The following CHRNA7 variants were observed in gnomAD, a reference collection of about 807,000 sequenced individuals.
The protein encoded by CHRNA7 is cholinergic receptor nicotinic alpha 7 subunit.
Under a neutral mutation model 48.0 loss-of-function variants are expected in CHRNA7, and 17 were observed. The observed-to-expected ratio is 0.35, with a 90% CI of 0.24 to 0.53. The LOEUF (loss-of-function observed/expected upper bound fraction) is 0.53. Among genes scored for constraint, CHRNA7 ranks in the 20% least tolerant of loss-of-function variants. The pLI is 0.92. For synonymous variants in CHRNA7, 75 were observed against 242.3 expected (o/e 0.31, Z 6.41); for missense variants, 155 against 577.7 (o/e 0.27, Z 7.50).
chr15:32,088,419 T>C (rs976758617), intron 2 of CHRNA7, among the ~76,000 whole-genome samples: 2 of 152,334 alleles, frequency 1.3e-5, no homozygotes, highest in Admixed American at 6.5e-5. Context: ...TCTGTAGATA[T>C]GTGTTTTTGA....
chr15:32,151,223 T>C (rs901912837), intron 4 of CHRNA7, among the ~76,000 whole-genome samples: 1 of 152,166 alleles, frequency 6.6e-6, no homozygotes, highest in Non-Finnish European at 1.5e-5. Flanking sequence ...CTCCTCTTTC[T>C]TGCTCTGAAC....
chr15:32,036,047 A>AT (rs968471764), intron 2 of CHRNA7, among the ~76,000 whole-genome samples: 12 of 152,132 alleles, frequency 7.9e-5, no homozygotes, highest in African/African-American at 2.9e-4. Flanking sequence ...CATACAGAGT[A>AT]TTTTTACTCT....
intron 4 of CHRNA7, among the ~76,000 whole-genome samples, chr15:32,134,655 A>G (rs2051215784): frequency 1.3e-5 from 2 of 152,264 alleles, no homozygotes; most frequent in Non-Finnish European, 2.9e-5. Flanking sequence ...ATTCACAAAC[A>G]TAGCAAAAGG....
At position 32,030,914 on chromosome 15, in the gene CHRNA7, G is replaced by A. The variant is rs1216916285; in HGVS notation, c.72G>A (p.Glu24=). 22 of 1,614,008 alleles carry A rather than the reference G, an allele frequency of 1.4e-5. No individual in the cohort carries two copies. Among genetic ancestry groups the A allele is most frequent in the Non-Finnish European group, 1.7e-5 (20 of 1,180,008 alleles). The change falls in exon 2 of 10, where the codon GAG becomes GAA. Residue 24 remains glutamate, a synonymous_variant. Coordinates refer to ENST00000306901, the MANE Select transcript of CHRNA7 (RefSeq NM_000746.6). ...CTCCTTAAGTGTCCCTGCAAGGCGA[G>A]TTCCAGAGGAAGCTTTACAAGGAGC... The part of the protein sequence containing the change: ...ASLLHVSLQG[E]FQRKLYKELV...
At chr15:32,040,416 C>T (rs1298413487) in intron 2 of CHRNA7, among the ~76,000 whole-genome samples, 2 of 151,434 alleles carry the variant, frequency 1.3e-5, no homozygotes, top group African/African-American at 4.8e-5. Context: ...TCTTTTTTTA[C>T]TTTTTTAGTG....
chr15:32,144,615 G>A (rs60879251), intron 4 of CHRNA7, among the ~76,000 whole-genome samples: 7,206 of 152,086 alleles, frequency 0.047, 206 homozygotes, highest in Middle Eastern at 0.075. Flanking sequence ...TGTTTGTTTC[G>A]TTTTACTGTT....
chr15:32,115,560 G>A (rs1436450346), intron 4 of CHRNA7, among the ~76,000 whole-genome samples: 1 of 152,054 alleles, frequency 6.6e-6, no homozygotes, highest in East Asian at 1.9e-4. Flanking sequence ...ATGCACCAAT[G>A]CTTCCAGGCA....
chr15:32,081,905 A>G lies in CHRNA7; in HGVS notation c.196-19398A>G, dbSNP rs540071958. On this transcript the variant is annotated intron_variant, in intron 2 of 9. Transcript: ENST00000306901. ...TCTTCTGAAGGTAGATGTGGTGGCA[A>G]CACAATCTTTTAGTTGCCTCAGTCT... 2.0e-5 allele frequency among the ~76,000 whole-genome samples: 3 copies of G among 152,206 alleles called. No individual in the cohort carries two copies. In the East Asian group the frequency reaches 5.8e-4, roughly 29 times the overall value.
chr15:32,064,778 G>T (rs1340754644), intron 2 of CHRNA7, among the ~76,000 whole-genome samples: 2 of 152,252 alleles, frequency 1.3e-5, no homozygotes, highest in South Asian at 2.1e-4. Context: ...CACCTCTGTT[G>T]TCAGTATGCA....
At chr15:32,094,165 C>T (rs1298213511) in intron 2 of CHRNA7, among the ~76,000 whole-genome samples, 1 of 152,190 alleles carries the variant, frequency 6.6e-6, no homozygotes, top group African/African-American at 2.4e-5. Context: ...TAGTGAAGTT[C>T]CTTAGCTTAA....
At chr15:32,063,981 G>A (rs1207150843) in intron 2 of CHRNA7, among the ~76,000 whole-genome samples, 1 of 152,180 alleles carries the variant, frequency 6.6e-6, no homozygotes, top group Non-Finnish European at 1.5e-5. Context: ...GGGAAAGGGA[G>A]CATAGCAGGA....
chr15:32,112,355 T>C (rs1161806032), intron 4 of CHRNA7: 1 of 457,232 alleles, frequency 2.2e-6, no homozygotes, highest in Admixed American at 2.3e-5. Context: ...GTGGCAGAGA[T>C]GGCTGCAGGT....
chr15:32,039,960 T>A (rs181947799), intron 2 of CHRNA7, among the ~76,000 whole-genome samples: 4 of 152,166 alleles, frequency 2.6e-5, no homozygotes, highest in Admixed American at 1.3e-4. Context: ...AGGACTGTTA[T>A]GTCTTTTTGT....
At chr15:32,064,691 C>G (rs76600182) in intron 2 of CHRNA7, among the ~76,000 whole-genome samples, 384 of 152,128 alleles carry the variant, frequency 2.5e-3, no homozygotes, top group African/African-American at 9.0e-3. Context: ...AGTATGCTAC[C>G]TGGGCAGTAT....
At chr15:32,058,261 A>G (rs11071518) in intron 2 of CHRNA7, among the ~76,000 whole-genome samples, 5,327 of 152,288 alleles carry the variant, frequency 0.035, 136 homozygotes, top group Middle Eastern at 0.1. Flanking sequence ...AGTTAATGCA[A>G]ATTCCGTGGT....
chr15:32,070,280 C>A (rs1323436088), intron 2 of CHRNA7, among the ~76,000 whole-genome samples: 1 of 152,094 alleles, frequency 6.6e-6, no homozygotes, highest in African/African-American at 2.4e-5. Context: ...AACCTCCAGG[C>A]AACCACTAAT....
intron 2 of CHRNA7, among the ~76,000 whole-genome samples, chr15:32,073,486 G>T (rs923548017): frequency 2.0e-5 from 3 of 152,184 alleles, no homozygotes; most frequent in African/African-American, 7.2e-5. Context: ...GACATTTGGG[G>T]ACTATTTGGA....
At position 32,149,595 on chromosome 15, in the gene CHRNA7, T is replaced by C. The variant is rs1208370200; in HGVS notation, c.351-4312T>C. Among the ~76,000 whole-genome samples, 1 of 152,220 alleles carries C rather than the reference T, an allele frequency of 6.6e-6. No individual in the cohort carries two copies. Among genetic ancestry groups the C allele is most frequent in the Non-Finnish European group, 1.5e-5 (1 of 68,038 alleles). On this transcript the variant is annotated intron_variant, in intron 4 of 9. Transcript: ENST00000306901. This position sits in a 1 kb window ranked among gnomAD's most constrained non-coding sequence, Gnocchi z 4.6. ...AGTTTACTTTTATACTATGTACTTA[T>C]AAAATCAATTTGCCTATGGGAAAGA...
intron 2 of CHRNA7, among the ~76,000 whole-genome samples, chr15:32,098,318 A>C (rs1397444218): frequency 6.6e-6 from 1 of 152,140 alleles, no homozygotes; most frequent in Non-Finnish European, 1.5e-5. Flanking sequence ...GGGAGGGGAC[A>C]GATGGACTCT....
Sources: gnomAD v4.1 joint callset for allele counts (sites outside exome capture counted in the v4.1 genomes callset) on GRCh38, gnomAD v4.1.1 for gene constraint, Gnocchi (gnomAD v3.1) non-coding constraint, MANE v1.5 for transcripts, NCBI Gene and HGNC (gene_info 2026-07-23, HGNC 2026-07-21) for gene names.